TENM1: variants seen among roughly 807,000 people sequenced by gnomAD.
The protein encoded by TENM1 is teneurin-1.
A neutral mutation model predicts 174.8 loss-of-function variants in TENM1; 35 were observed. The ratio of observed to expected loss-of-function variants is 0.20; its 90% confidence interval spans 0.15 to 0.27. The LOEUF (loss-of-function observed/expected upper bound fraction) is 0.27. TENM1 is among the 10% of genes least tolerant of loss of function. The pLI, the probability that TENM1 is intolerant of heterozygous loss-of-function variation, is 1.00. For synonymous variants in TENM1, 781 were observed against 798.7 expected, an observed-to-expected ratio of 0.98 and a Z score of 0.37; for missense variants, 1,633 against 2,130.1, an observed-to-expected ratio of 0.77 and a Z score of 4.59.
intron 4 of TENM1, among the ~76,000 whole-genome samples, chrX:124,715,401 A>C (rs567639678): frequency 4.7e-4 from 52 of 110,852 alleles, no homozygotes; most frequent in African/African-American, 1.5e-3. Flanking sequence ...AAAAAAAAAA[A>C]AACTCTTCAT....
chrX:124,442,338 T>C (rs1262174241), intron 23 of TENM1, among the ~76,000 whole-genome samples: 3 of 112,386 alleles, frequency 2.7e-5, no homozygotes, highest in Non-Finnish European at 5.6e-5. Context: ...AGCAAACTTA[T>C]TATAATTCAG....
intron 3 of TENM1, among the ~76,000 whole-genome samples, chrX:124,826,646 T>C (rs1210604743): frequency 1.8e-5 from 2 of 111,484 alleles, no homozygotes; most frequent in Admixed American, 1.9e-4. Flanking sequence ...TGCAAGCAAA[T>C]AAGCCAAAAT....
chrX:125,078,108 T>G, the TENM1 span, among the ~76,000 whole-genome samples: 1 of 111,501 alleles, frequency 9.0e-6, no homozygotes, highest in African/African-American at 3.2e-5. Context: ...TTGGAATAAA[T>G]GATCAAGTCA....
chrX:124,821,277 C>T (rs1051893121), intron 3 of TENM1, among the ~76,000 whole-genome samples: 5 of 111,756 alleles, frequency 4.5e-5, no homozygotes, highest in Non-Finnish European at 9.4e-5. Flanking sequence ...AAATAAATCA[C>T]TATGTTAACA....
the TENM1 span, among the ~76,000 whole-genome samples, chrX:125,095,716 C>T: frequency 1.8e-5 from 2 of 111,450 alleles, no homozygotes; most frequent in East Asian, 5.6e-4. Flanking sequence ...CAGAAAGACA[C>T]CATGGATGTT....
intron 3 of TENM1, among the ~76,000 whole-genome samples, chrX:124,809,664 A>G (rs2055705793): frequency 9.0e-6 from 1 of 111,135 alleles, no homozygotes; most frequent in African/African-American, 3.3e-5. Flanking sequence ...GATAGAAGGA[A>G]AGTACCTGTA....
chrX:124,892,082 A>T (rs913080004), intron 3 of TENM1, among the ~76,000 whole-genome samples: 4 of 111,858 alleles, frequency 3.6e-5, no homozygotes, highest in Admixed American at 1.9e-4. Flanking sequence ...TAAAAATGAC[A>T]TAGAATAAAG....
chrX:124,843,085 T>A (rs1399818814), intron 3 of TENM1, among the ~76,000 whole-genome samples: 1 of 111,369 alleles, frequency 9.0e-6, no homozygotes, highest in Non-Finnish European at 1.9e-5. Context: ...TACTTTCTGC[T>A]GTCATTCAGA....
chrX:124,552,104 C>G (rs1396787258), intron 14 of TENM1, among the ~76,000 whole-genome samples: 2 of 112,015 alleles, frequency 1.8e-5, no homozygotes, highest in South Asian at 3.7e-4. Flanking sequence ...CAGAATTTGT[C>G]ACCATTTGGA....
At chrX:124,942,692 T>C (rs16998155) in intron 1 of TENM1, among the ~76,000 whole-genome samples, 1,763 of 111,649 alleles carry the variant, frequency 0.016, 30 homozygotes, top group African/African-American at 0.054. Flanking sequence ...TTGCTAGGGT[T>C]CAAACACTTC....
chrX:124,911,809 T>A, intron 1 of TENM1, among the ~76,000 whole-genome samples: 1 of 111,796 alleles, frequency 8.9e-6, no homozygotes, highest in Non-Finnish European at 1.9e-5. Flanking sequence ...TATTCCTGTG[T>A]GCTAGGGCTC....
At chrX:124,595,578 C>T (rs1484085138) in intron 11 of TENM1, among the ~76,000 whole-genome samples, 2 of 111,520 alleles carry the variant, frequency 1.8e-5, no homozygotes, top group African/African-American at 6.5e-5. Context: ...AAAATATACC[C>T]TTAATCTTTT....
At chrX:124,436,348 C>A (rs2060836345) in intron 23 of TENM1, among the ~76,000 whole-genome samples, 1 of 111,222 alleles carries the variant, frequency 9.0e-6, no homozygotes, top group Non-Finnish European at 1.9e-5. Context: ...ATCCTTCCTG[C>A]TTGCTTTCTG....
chrX:124,959,418 AT>A (rs1363387367), intron 1 of TENM1, among the ~76,000 whole-genome samples: 1 of 111,490 alleles, frequency 9.0e-6, no homozygotes, highest in Non-Finnish European at 1.9e-5. Flanking sequence ...AAAAATATAA[AT>A]TGGTTCAAAA....
At chrX:124,455,881 T>A (rs1379482235) in intron 22 of TENM1, among the ~76,000 whole-genome samples, 1 of 111,691 alleles carries the variant, frequency 9.0e-6, no homozygotes, top group Non-Finnish European at 1.9e-5. Context: ...GAGAAATAAA[T>A]GTATTCTTAA....
intron 5 of TENM1, among the ~76,000 whole-genome samples, chrX:124,678,086 C>T (rs865825966): frequency 2.7e-5 from 3 of 111,522 alleles, no homozygotes; most frequent in Non-Finnish European, 5.7e-5. Flanking sequence ...GTGCACATCT[C>T]TTCCCAATTC....
At chrX:124,644,170 CATATAT>C (rs754020007) in intron 10 of TENM1, among the ~76,000 whole-genome samples, 80 of 93,856 alleles carry the variant, frequency 8.5e-4, no homozygotes, top group African/African-American at 2.9e-3. Context: ...GCATATATGG[CATATAT>C]ATATATAGAC....
At chrX:124,464,103 T>C (rs1243895004) in intron 22 of TENM1, among the ~76,000 whole-genome samples, 1 of 111,013 alleles carries the variant, frequency 9.0e-6, no homozygotes, top group African/African-American at 3.3e-5. Context: ...AGCAACGATA[T>C]CTGAGACACT....
At chrX:124,782,740 A>C (rs2147178119) in intron 3 of TENM1, among the ~76,000 whole-genome samples, 1 of 111,277 alleles carries the variant, frequency 9.0e-6, no homozygotes, top group South Asian at 3.9e-4. Context: ...TAAAAGCTAG[A>C]TTGTCATCAC....
Sources: allele counts gnomAD v4.1 joint callset (sites outside exome capture counted in the v4.1 genomes callset), GRCh38; gene constraint gnomAD v4.1.1; transcripts MANE v1.5; gene names NCBI Gene and HGNC (gene_info 2026-07-23, HGNC 2026-07-21).